LARS1: variants seen among roughly 807,000 people sequenced by gnomAD.
The protein encoded by LARS1 is leucine--tRNA ligase, cytoplasmic.
Under a neutral mutation model 162.8 loss-of-function variants are expected in LARS1, and 100 were observed. The observed-to-expected ratio is 0.61, with a 90% CI of 0.52 to 0.73. LARS1 has a LOEUF of 0.73. Ranked by LOEUF, LARS1 falls within the 30% of genes least tolerant of loss-of-function variation. LARS1 has a pLI of 0.00. For missense variants in LARS1, 1,258 were observed against 1,408.9 expected (o/e 0.89, Z 1.71); for synonymous variants, 457 against 462.8 (o/e 0.99, Z 0.16).
intron 28 of LARS1, among the ~76,000 whole-genome samples, chr5:146,125,697 A>G (rs192224373): frequency 7.0e-6 from 1 of 141,858 alleles, no homozygotes; most frequent in Admixed American, 7.6e-5. Context: ...AATTTCAACC[A>G]AGATTTTTCT....
chr5:146,182,498 C>T lies in LARS1; in HGVS notation c.-5G>A. ...CTCGCTCAAACTCACCGCCATTGCA[C>T]CGCCCAGCCGACTGTGCAAATCCAC... On this transcript the variant is annotated 5_prime_UTR_variant, in exon 1 of 32. The change creates a new upstream start codon in the 5' untranslated region. Coordinates refer to ENST00000394434, the MANE Select transcript of LARS1 (RefSeq NM_020117.11). 6.2e-7 allele frequency: 1 copy of T among 1,613,952 alleles called. No homozygotes were observed. Among genetic ancestry groups the T allele is most frequent in the Non-Finnish European group, 8.5e-7 (1 of 1,179,876 alleles).
chr5:146,167,583 A>G (rs1754067798), intron 5 of LARS1, among the ~76,000 whole-genome samples: 1 of 151,102 alleles, frequency 6.6e-6, no homozygotes, highest in Non-Finnish European at 1.5e-5. Flanking sequence ...TTTTGTAGAG[A>G]TGGGGTTTCA....
intron 8 of LARS1, among the ~76,000 whole-genome samples, chr5:146,158,964 T>C (rs1753651765): frequency 1.3e-5 from 2 of 151,662 alleles, no homozygotes; most frequent in South Asian, 4.2e-4. Flanking sequence ...GGTGTGGTGG[T>C]GGGCACCTGT....
In LARS1 at chr5:146,132,804, TA is replaced by T. The variant is rs11321164; in HGVS notation, c.2396+93del. ...TATTATTATCATTAGTTTATTTTAT[TA>T]AAAAAAAAAAAGAAAAGAAAAGAAA... On this transcript the variant is annotated intron_variant, in intron 23 of 31. Coordinates refer to ENST00000394434, the MANE Select transcript of LARS1 (RefSeq NM_020117.11). 0.49 allele frequency: 368,576 copies of T among 745,686 alleles called. 69,322 individuals are homozygous for T. Among genetic ancestry groups the T allele is most frequent in the African/African-American group, 0.76 (39,652 of 52,154 alleles). 46.2% of individuals were successfully genotyped at this position (745,686 alleles called of 1,614,324 possible). A position where few individuals can be genotyped will look rare whatever the true frequency, so the allele number is the denominator to read the frequency against.
At chr5:146,129,581 C>A (rs1055074548) in intron 25 of LARS1, among the ~76,000 whole-genome samples, 1 of 152,102 alleles carries the variant, frequency 6.6e-6, no homozygotes, top group East Asian at 1.9e-4. Flanking sequence ...GTTATTAAAC[C>A]AGCCAATCTA....
At chr5:146,137,169 A>G (rs1752547585) in intron 21 of LARS1, among the ~76,000 whole-genome samples, 1 of 152,196 alleles carries the variant, frequency 6.6e-6, no homozygotes, top group African/African-American at 2.4e-5. Flanking sequence ...AAGTGCTGGG[A>G]TTATAGGCGT....
At chr5:146,177,143 T>G (rs1171526169) in intron 2 of LARS1, among the ~76,000 whole-genome samples, 1 of 152,130 alleles carries the variant, frequency 6.6e-6, no homozygotes, top group Non-Finnish European at 1.5e-5. Context: ...CCAAGCTGTT[T>G]CTGTACTATA....
At chr5:146,174,303 T>C (rs1754410458) in intron 2 of LARS1, among the ~76,000 whole-genome samples, 1 of 149,636 alleles carries the variant, frequency 6.7e-6, no homozygotes, top group Admixed American at 6.8e-5. Flanking sequence ...AAATTAGCTG[T>C]GCGTGGTGGC....
rs3995492 is a variant in LARS1, at chr5:146,150,942, G to GACACACACACACAC, written c.1425+906_1425+919dup. Reference sequence around the variant, plus strand: ...AGACAGAGCAAGACTCCGTCAGATAGACACACACACACACACACACACACA... The same window carrying GACACACACACACAC: ...AGACAGAGCAAGACTCCGTCAGATAGACACACACACACACACACACACACACACACACACACACA... On this transcript the variant is annotated intron_variant, in intron 14 of 31. Coordinates refer to ENST00000394434, the MANE Select transcript of LARS1 (RefSeq NM_020117.11). Among the ~76,000 whole-genome samples, 635 of 134,886 alleles carry GACACACACACACAC rather than the reference G, an allele frequency of 4.7e-3. 5 individuals carry two copies. Among genetic ancestry groups the GACACACACACACAC allele is most frequent in the African/African-American group, 0.011 (397 of 35,220 alleles). The allele number at this position is 134,886 out of a possible 152,430, so 88.5% of individuals were successfully genotyped here.
At chr5:146,128,447 T>C (rs1752132032) in intron 27 of LARS1, among the ~76,000 whole-genome samples, 1 of 152,074 alleles carries the variant, frequency 6.6e-6, no homozygotes, top group East Asian at 1.9e-4. Context: ...CTAGATCCAA[T>C]GTATTTTTGT....
chr5:146,149,547 C>T (rs757771864), intron 15 of LARS1, 75 bp downstream of exon 15: 4 of 1,029,556 alleles, frequency 3.9e-6, no homozygotes, highest in Non-Finnish European at 6.1e-6. Context: ...TACTGTAGAA[C>T]TCACTGCTAA....
rs1752712083 is a variant in LARS1 at position 146,140,240 on chromosome 5, C to T, written c.2112G>A (p.Val704=). Residue 704 remains valine (V), a synonymous_variant, in exon 21 of 32, where the codon GTG becomes GTA. Coordinates refer to ENST00000394434, the MANE Select transcript of LARS1 (RefSeq NM_020117.11). ...TCAGGAGGAGATGTCCATTTGCTCT[C>T]ACAGCTGTAGGCCATTTGTCACTTC... ...PEQSDKWPTA[V]RANGHLLLNS... 3 of 1,611,806 alleles carry T rather than the reference C, an allele frequency of 1.9e-6. No homozygotes were observed. The highest frequency in any genetic ancestry group is 2.5e-6 in the Non-Finnish European group (3 of 1,177,878).
chr5:146,121,520 G>A (rs1751816533), intron 30 of LARS1, among the ~76,000 whole-genome samples: 1 of 152,014 alleles, frequency 6.6e-6, no homozygotes, highest in African/African-American at 2.4e-5. Context: ...TAAAGACACA[G>A]GCACACATAT....
intron 31 of LARS1, among the ~76,000 whole-genome samples, chr5:146,119,867 T>G (rs1751741457): frequency 6.6e-6 from 1 of 152,154 alleles, no homozygotes; most frequent in Admixed American, 6.5e-5. Context: ...CTTTTTAGCC[T>G]CCAGTTCACC....
chr5:146,130,139 C>G lies in LARS1; in HGVS notation c.2507G>C (p.Arg836Pro). 1 of 1,613,052 alleles carries G rather than the reference C, an allele frequency of 6.2e-7. No homozygotes were observed. Among genetic ancestry groups the G allele is most frequent in the Non-Finnish European group, 8.5e-7 (1 of 1,179,590 alleles). ...FEFQAAKDKY[R>P]ELAVEGMHRE... Reference sequence around the variant, plus strand: ...GTGCATCCCTTCCACAGCCAATTCACGGTACTTATCTTTTGCGGCCTATAA... The same window carrying G: ...GTGCATCCCTTCCACAGCCAATTCAGGGTACTTATCTTTTGCGGCCTATAA... Residue 836 changes from arginine (R) to proline (P), a missense_variant, in exon 25 of 32, where the codon CGT (arginine) becomes CCT (proline). Physicochemically the swap from Arg to Pro is moderately radical, Grantham distance 103. Coordinates refer to ENST00000394434, the MANE Select transcript of LARS1 (RefSeq NM_020117.11).
At chr5:146,170,174 A>C (rs554768283) in intron 4 of LARS1, among the ~76,000 whole-genome samples, 17 of 152,322 alleles carry the variant, frequency 1.1e-4, no homozygotes, top group African/African-American at 4.1e-4. Context: ...ACAAAATAAA[A>C]AGTGAAAAAC....
Position 146,153,956 on chromosome 5 carries a change from C to A in LARS1, c.1090G>T (p.Ala364Ser). The A allele has an allele frequency of 6.2e-7, 1 of 1,608,154 alleles. No individual in the cohort carries two copies. The highest frequency in any genetic ancestry group is 8.5e-7 in the Non-Finnish European group (1 of 1,177,920). The change falls in exon 11 of 32, where the codon GCA (alanine) becomes TCA (serine). Residue 364 changes from alanine (A) to serine (S), a missense_variant. Coordinates refer to ENST00000394434, the MANE Select transcript of LARS1 (RefSeq NM_020117.11). ...GEEILGASLS[A>S]PLTSYKVIYV... ...ATCACCTTGTATGATGTTAAAGGTG[C>A]AGAAAGTGATGCACCAAGAATTTCC...
chr5:146,115,448 A>G (rs1187554573), intron 31 of LARS1, among the ~76,000 whole-genome samples: 2 of 152,036 alleles, frequency 1.3e-5, no homozygotes, highest in African/African-American at 4.8e-5. Flanking sequence ...AGACAAGGAG[A>G]GCGGGGACAA....
rs1203302801 is a variant in LARS1, at chr5:146,182,649, C to T, written c.-156G>A. 2 of 1,004,002 alleles carry T rather than the reference C, an allele frequency of 2.0e-6. No individual in the cohort carries two copies. The highest frequency in any genetic ancestry group is 2.7e-5 in the South Asian group (2 of 72,942). 62.2% of individuals were successfully genotyped at this position (1,004,002 alleles called of 1,614,324 possible). A position where few individuals can be genotyped will look rare whatever the true frequency, so the allele number is the denominator to read the frequency against. ...GCTGAGGCAATCATCCGGCTCCTTA[C>T]TAACTACAGCCAAGGCATCTCACAG... On this transcript the variant is annotated 5_prime_UTR_variant, in exon 1 of 32. Coordinates refer to ENST00000394434, the MANE Select transcript of LARS1 (RefSeq NM_020117.11).
Sources: gnomAD v4.1 joint callset for allele counts (sites outside exome capture counted in the v4.1 genomes callset) on GRCh38, gnomAD v4.1.1 for gene constraint, MANE v1.5 for transcripts, NCBI Gene and HGNC (gene_info 2026-07-23, HGNC 2026-07-21) for gene names.